The following XKR6 variants were observed in gnomAD, a reference collection of about 807,000 sequenced individuals.
XKR6 encodes XK-related protein 6.
XKR6 carries 22 observed loss-of-function variants against 56.7 expected under a neutral mutation model. That is an observed-to-expected ratio of 0.39 (90% CI 0.28 to 0.55). XKR6 has a LOEUF of 0.55. XKR6 is among the 20% of genes least tolerant of loss of function. XKR6 has a pLI of 0.66. For missense variants in XKR6, 852 were observed against 889.0 expected (o/e 0.96, Z 0.53); for synonymous variants, 524 against 387.8 (o/e 1.35, Z -4.13).
chr8:11,192,450 CA>C, intron 1 of XKR6, among the ~76,000 whole-genome samples: 1 of 152,148 alleles, frequency 6.6e-6, no homozygotes, highest in South Asian at 2.1e-4. Flanking sequence ...GCCTGGCCTA[CA>C]AAAATCTTTT....
intron 1 of XKR6, among the ~76,000 whole-genome samples, chr8:10,975,295 G>C (rs1802521414): frequency 6.6e-6 from 1 of 152,204 alleles, no homozygotes; most frequent in Non-Finnish European, 1.5e-5. Context: ...CCTTCAGGAG[G>C]CTTCGAGCGA....
intron 1 of XKR6, among the ~76,000 whole-genome samples, chr8:11,135,597 T>A (rs994871825): frequency 3.9e-5 from 6 of 152,258 alleles, no homozygotes; most frequent in African/African-American, 1.4e-4. Flanking sequence ...TTAAACTATA[T>A]TCTAAAATCA....
At chr8:11,193,864 T>C (rs969708414) in intron 1 of XKR6, among the ~76,000 whole-genome samples, 1 of 151,066 alleles carries the variant, frequency 6.6e-6, no homozygotes, top group Non-Finnish European at 1.5e-5. Flanking sequence ...TTTAAACAGA[T>C]TACAAAAAAA....
chr8:10,908,791 A>T (rs1464366481), intron 2 of XKR6, among the ~76,000 whole-genome samples: 8 of 152,186 alleles, frequency 5.3e-5, no homozygotes, highest in Non-Finnish European at 1.0e-4. Flanking sequence ...TTAGGCCATG[A>T]GGGCTCTGCC....
chr8:10,989,002 G>A (rs540049075), intron 1 of XKR6, among the ~76,000 whole-genome samples: 7 of 152,192 alleles, frequency 4.6e-5, no homozygotes, highest in East Asian at 1.9e-4. Flanking sequence ...AATAGATTCC[G>A]TTCCAACAAT....
chr8:10,908,077 C>T (rs1379603054), intron 2 of XKR6, among the ~76,000 whole-genome samples: 1 of 152,212 alleles, frequency 6.6e-6, no homozygotes, highest in African/African-American at 2.4e-5. Flanking sequence ...GATGTACACG[C>T]CCACGCTGCT....
At chr8:11,001,989 G>T (rs1045140313) in intron 1 of XKR6, among the ~76,000 whole-genome samples, 1 of 151,500 alleles carries the variant, frequency 6.6e-6, no homozygotes, top group Non-Finnish European at 1.5e-5. Flanking sequence ...AGGCCAATGG[G>T]ATTATAGAGA....
chr8:11,130,426 A>C (rs1800047820), intron 1 of XKR6, among the ~76,000 whole-genome samples: 1 of 152,114 alleles, frequency 6.6e-6, no homozygotes, highest in Non-Finnish European at 1.5e-5. Flanking sequence ...CGCTCCTTGG[A>C]ACCATCAGGA....
chr8:11,180,186 G>C lies in XKR6; in HGVS notation c.764+20390C>G, dbSNP rs74969879. Among the ~76,000 whole-genome samples, 204 of 152,254 alleles carry C rather than the reference G, an allele frequency of 1.3e-3. 4 individuals carry two copies. In the East Asian group the frequency reaches 0.016, roughly 12 times the overall value. ...TAATAAAAGGTATTAAGTAACAAAA[G>C]TGCTTTGTCTGGGAAAATTCAAAGT... On this transcript the variant is annotated intron_variant, in intron 1 of 2. Coordinates refer to ENST00000416569, the MANE Select transcript of XKR6 (RefSeq NM_173683.4).
At chr8:10,947,266 G>C (rs1801580897) in intron 1 of XKR6, among the ~76,000 whole-genome samples, 1 of 152,226 alleles carries the variant, frequency 6.6e-6, no homozygotes, top group African/African-American at 2.4e-5. Flanking sequence ...CAGAAGAATG[G>C]TGTTGCCATT....
chr8:11,046,081 G>A (rs369217741), intron 1 of XKR6, among the ~76,000 whole-genome samples: 144 of 152,048 alleles, frequency 9.5e-4, no homozygotes, highest in Middle Eastern at 3.4e-3. Context: ...TCCCACTTCC[G>A]GGTATATACC....
intron 1 of XKR6, among the ~76,000 whole-genome samples, chr8:11,058,239 G>C (rs1435170114): frequency 6.6e-6 from 1 of 152,118 alleles, no homozygotes; most frequent in Non-Finnish European, 1.5e-5. Flanking sequence ...CATTTTGAAA[G>C]GAATGTAATT....
rs1257352402 is a variant in XKR6, at chr8:11,201,612, C to G, written c.-273G>C. Among the ~76,000 whole-genome samples the G allele has an allele frequency of 6.6e-6, 1 of 152,074 alleles. No individual in the cohort carries two copies. Among genetic ancestry groups the G allele is most frequent in the Non-Finnish European group, 1.5e-5 (1 of 67,998 alleles). ...AGATGGCCGCCCTCCTGTGCCTCAG[C>G]TGCTGGGCGGGGGACCGGGGGGTTC... On this transcript the variant is annotated 5_prime_UTR_variant, in exon 1 of 3. Coordinates refer to ENST00000416569, the MANE Select transcript of XKR6 (RefSeq NM_173683.4).
intron 1 of XKR6, among the ~76,000 whole-genome samples, chr8:11,081,280 T>C (rs1797713794): frequency 6.6e-6 from 1 of 152,222 alleles, no homozygotes; most frequent in Non-Finnish European, 1.5e-5. Flanking sequence ...CTCGGCTTCC[T>C]AATGCATTAA....
chr8:10,906,297 T>A (rs868120170), intron 2 of XKR6, among the ~76,000 whole-genome samples: 4 of 152,172 alleles, frequency 2.6e-5, no homozygotes, highest in Admixed American at 6.6e-5. Context: ...ACACCACCGG[T>A]CAGGATCAGC....
intron 1 of XKR6, among the ~76,000 whole-genome samples, chr8:11,071,260 A>C (rs929325504): frequency 1.3e-5 from 2 of 152,024 alleles, no homozygotes; most frequent in African/African-American, 4.8e-5. Flanking sequence ...TTCTTTTCAG[A>C]TGAAGTTTTG....
In XKR6 at chr8:11,013,938, C is replaced by A. The variant is rs188525881; in HGVS notation, c.765-89108G>T. Among the ~76,000 whole-genome samples, 50 of 152,344 alleles carry A rather than the reference C, an allele frequency of 3.3e-4. 1 individual carries two copies. The East Asian group carries it at 3.7e-3, about 11-fold the overall frequency. On this transcript the variant is annotated intron_variant, in intron 1 of 2. Transcript: ENST00000416569. ...GTGAAGCCACCAACATCCAGGCCCG[C>A]AGGACAGACCCAAATCCATTCCCAG... is the stretch of plus-strand genomic sequence containing the variant.
intron 1 of XKR6, among the ~76,000 whole-genome samples, chr8:11,021,360 A>G (rs1798745403): frequency 6.6e-6 from 1 of 152,242 alleles, no homozygotes; most frequent in African/African-American, 2.4e-5. Flanking sequence ...GAGAGTTTCT[A>G]GCTGCTGCTG....
At chr8:10,933,324 A>T (rs1412861754) in intron 1 of XKR6, among the ~76,000 whole-genome samples, 2 of 98,970 alleles carry the variant, frequency 2.0e-5, no homozygotes, top group South Asian at 2.9e-4. Context: ...TAGGTTGCGA[A>T]AATTTTCTCC....
Sources: gnomAD v4.1 joint callset for allele counts (sites outside exome capture counted in the v4.1 genomes callset) on GRCh38, gnomAD v4.1.1 for gene constraint, MANE v1.5 for transcripts, NCBI Gene and HGNC (gene_info 2026-07-23, HGNC 2026-07-21) for gene names.